The following CTNNA2 variants were observed in gnomAD, a reference collection of about 807,000 sequenced individuals.
The protein encoded by CTNNA2 is catenin alpha-2.
Under a neutral mutation model 101.0 loss-of-function variants are expected in CTNNA2, and 42 were observed. The observed-to-expected ratio is 0.42, with a 90% confidence interval of 0.32 to 0.54. The LOEUF (loss-of-function observed/expected upper bound fraction) is 0.54, where lower values mean the gene tolerates loss of function less well. Among genes scored for constraint, CTNNA2 ranks in the 20% least tolerant of loss-of-function variants. The pLI, the probability that CTNNA2 is intolerant of heterozygous loss-of-function variation, is 0.14. For synonymous variants in CTNNA2, 450 were observed against 456.4 expected (o/e 0.99, Z 0.18); for missense variants, 871 against 1,223.1 (o/e 0.71, Z 4.29).
chr2:79,563,296 G>A (rs1166305728), intron 1 of CTNNA2, among the ~76,000 whole-genome samples: 1 of 151,760 alleles, frequency 6.6e-6, no homozygotes, highest in Non-Finnish European at 1.5e-5. Flanking sequence ...ATGGGATTCA[G>A]GGTTTTTTGG....
rs575361948 is a variant in CTNNA2 at position 80,072,577 on chromosome 2, A to G, written c.1056+162780A>G. Among the ~76,000 whole-genome samples the G allele has an allele frequency of 1.1e-3, 168 of 152,122 alleles. 1 individual carries two copies. The highest frequency in any genetic ancestry group is 3.4e-3 in the African/African-American group (143 of 41,520). On this transcript the variant is annotated intron_variant, in intron 7 of 18. Transcript: ENST00000402739. ...AGAGTAACTTCATTTCCATTTTTGG[A>G]AGTTGAAAAGCCCTGCCACTAAGAC...
intron 7 of CTNNA2, among the ~76,000 whole-genome samples, chr2:80,233,005 A>G (rs927155197): frequency 3.9e-5 from 6 of 152,130 alleles, no homozygotes; most frequent in Admixed American, 3.9e-4. Context: ...CAATTCATCT[A>G]CTTTATTCCT....
chr2:79,595,285 C>T (rs1173463830), intron 1 of CTNNA2, among the ~76,000 whole-genome samples: 3 of 152,140 alleles, frequency 2.0e-5, no homozygotes, highest in African/African-American at 4.8e-5. Flanking sequence ...CCTTGTTCTA[C>T]GTATGTTCCC....
At chr2:80,311,070 T>G (rs1677530625) in intron 7 of CTNNA2, among the ~76,000 whole-genome samples, 1 of 152,136 alleles carries the variant, frequency 6.6e-6, no homozygotes, top group African/African-American at 2.4e-5. Flanking sequence ...AGATGAACTA[T>G]TAAGTTTTGG....
In CTNNA2 at chr2:79,326,012, G is replaced by A. The variant is rs1309883803; in HGVS notation, c.-318+13216G>A. Among the ~76,000 whole-genome samples, 3 of 152,188 alleles carry A rather than the reference G, an allele frequency of 2.0e-5. No individual in the cohort carries two copies. In the East Asian group the frequency reaches 5.8e-4, roughly 29 times the overall value. Reference sequence around the variant, plus strand: ...TGTATGCCTAGAGGTGGACGTTTATGATGATAAAACAGAATAAAGCTGTTG... The same window carrying A: ...TGTATGCCTAGAGGTGGACGTTTATAATGATAAAACAGAATAAAGCTGTTG... On this transcript the variant is annotated intron_variant, in intron 3 of 21. Coordinates refer to the CTNNA2 transcript ENST00000466387.
intron 7 of CTNNA2, among the ~76,000 whole-genome samples, chr2:80,256,694 C>T (rs1173560048): frequency 6.6e-6 from 1 of 152,122 alleles, no homozygotes; most frequent in Admixed American, 6.5e-5. Context: ...TGAGGAACAC[C>T]AGTTCATCAT....
intron 7 of CTNNA2, chr2:80,288,210 C>T (rs149505569): frequency 2.6e-5 from 4 of 152,020 alleles, no homozygotes; most frequent in Non-Finnish European, 5.9e-5. Flanking sequence ...AACCTCCAAG[C>T]GATCACCAGA....
chr2:79,864,969 C>G (rs1160050018), intron 4 of CTNNA2, among the ~76,000 whole-genome samples: 1 of 152,070 alleles, frequency 6.6e-6, no homozygotes, highest in African/African-American at 2.4e-5. Flanking sequence ...ATTTAGAACA[C>G]TATCTTGTAT....
At chr2:80,226,218 G>T (rs1241475762) in intron 7 of CTNNA2, among the ~76,000 whole-genome samples, 1 of 152,154 alleles carries the variant, frequency 6.6e-6, no homozygotes, top group Non-Finnish European at 1.5e-5. Flanking sequence ...ATTACAGTTG[G>T]TCTCTCTTAA....
chr2:80,128,803 G>A (rs894299705), intron 7 of CTNNA2, among the ~76,000 whole-genome samples: 4 of 152,088 alleles, frequency 2.6e-5, no homozygotes, highest in African/African-American at 9.7e-5. Flanking sequence ...GGGTAGATCA[G>A]TCTTAGACCA....
intron 6 of CTNNA2, among the ~76,000 whole-genome samples, chr2:79,881,829 G>T (rs1052682271): frequency 6.7e-6 from 1 of 149,868 alleles, no homozygotes; most frequent in African/African-American, 2.5e-5. Flanking sequence ...ATTGTTATGT[G>T]TGAATCTGAT....
chr2:79,850,231 A>C (rs1376722060), intron 3 of CTNNA2, among the ~76,000 whole-genome samples: 12 of 89,746 alleles, frequency 1.3e-4, no homozygotes, highest in East Asian at 3.4e-4. Context: ...CTCCCTCTGT[A>C]TCTCTCTCCC....
rs373024636 is a variant in CTNNA2, at chr2:79,974,085, T to G, written c.1056+64288T>G. Among the ~76,000 whole-genome samples the G allele has an allele frequency of 1.6e-4, 24 of 152,256 alleles. No homozygotes were observed. The East Asian group carries it at 3.7e-3, about 23-fold the overall frequency. On this transcript the variant is annotated intron_variant, in intron 7 of 18. Coordinates refer to ENST00000402739, the MANE Select transcript of CTNNA2 (RefSeq NM_001282597.3). ...CCTTCCCTTTGTCGCCATCTTCAAC[T>G]CTTTTTGTCATTTTTTTTAAACACA...
In CTNNA2 at chr2:80,271,588, AT is replaced by A. The variant is rs537167466; in HGVS notation, c.1057-121616del. On this transcript the variant is annotated intron_variant, in intron 7 of 18. Transcript: ENST00000402739. Reference sequence around the variant, plus strand: ...AGGCGCAAGCCACCACGCCAGGCTAATTTTTTTATATTTTTAGTAGAGACGG... The same window carrying A: ...AGGCGCAAGCCACCACGCCAGGCTAATTTTTTATATTTTTAGTAGAGACGG... 2.8e-4 allele frequency among the ~76,000 whole-genome samples: 43 copies of A among 152,034 alleles called. No homozygotes were observed. The East Asian group carries it at 7.6e-3, about 27-fold the overall frequency.
chr2:79,687,680 T>TA (rs1360113742), intron 2 of CTNNA2: 4 of 562,310 alleles, frequency 7.1e-6, no homozygotes, highest in Non-Finnish European at 1.3e-5. Context: ...GAAAATAACT[T>TA]AAAAAACTGG....
chr2:79,215,438 T>C (rs534108837), intron 2 of CTNNA2, among the ~76,000 whole-genome samples: 59 of 152,314 alleles, frequency 3.9e-4, no homozygotes, highest in Admixed American at 1.8e-3. Flanking sequence ...CTCTAGTCTA[T>C]TATTGTACAC....
chr2:80,225,512 AAT>A (rs1179135071), intron 7 of CTNNA2, among the ~76,000 whole-genome samples: 1 of 152,218 alleles, frequency 6.6e-6, no homozygotes, highest in East Asian at 1.9e-4. Context: ...AAAAATGCAG[AAT>A]ATGAGTCCTT....
intron 2 of CTNNA2, among the ~76,000 whole-genome samples, chr2:79,234,920 C>T (rs1440219339): frequency 1.3e-5 from 2 of 152,122 alleles, no homozygotes; most frequent in Admixed American, 6.6e-5. Context: ...TTTCATCTTT[C>T]AGCTCCTGGA....
chr2:79,381,905 A>G (rs6746282), intron 4 of CTNNA2, among the ~76,000 whole-genome samples: 4,055 of 152,346 alleles, frequency 0.027, 176 homozygotes, highest in African/African-American at 0.085. Context: ...TTGCCTTCAG[A>G]TAGCTAAATG....
Sources: gnomAD v4.1 joint callset for allele counts (sites outside exome capture counted in the v4.1 genomes callset) on GRCh38, gnomAD v4.1.1 for gene constraint, MANE v1.5 for transcripts, NCBI Gene and HGNC (gene_info 2026-07-23, HGNC 2026-07-21) for gene names.